Variants in CRIM1 observed in about 807,000 individuals in gnomAD.
The protein encoded by CRIM1 is cysteine rich transmembrane BMP regulator 1, also known as cysteine-rich motor neuron 1 protein.
In CRIM1, 32 loss-of-function variants were observed where a neutral mutation model predicts 116.4. The observed-to-expected ratio is 0.27, with a 90% CI of 0.21 to 0.37. The LOEUF is 0.37. Ranked by LOEUF, CRIM1 falls within the 10% of genes least tolerant of loss-of-function variation. CRIM1 has a pLI of 1.00. For synonymous variants in CRIM1, 590 were observed against 509.2 expected, an observed-to-expected ratio of 1.16 and a Z score of -2.13; for missense variants, 1,331 against 1,354.8, an observed-to-expected ratio of 0.98 and a Z score of 0.28.
rs561468285 is a variant in CRIM1, at chr2:36,481,410, A to G, written c.1372+1716A>G. ...ATCTGCATAGAGTTGTAATCTAATCATCTACTGTTTGAGAAAAGAGTTACA... is the reference window on the plus strand; with the variant it reads ...ATCTGCATAGAGTTGTAATCTAATCGTCTACTGTTTGAGAAAAGAGTTACA... On this transcript the variant is annotated intron_variant, in intron 7 of 16. Transcript: ENST00000280527. Among the ~76,000 whole-genome samples the G allele has an allele frequency of 7.9e-5, 12 of 152,352 alleles. No individual in the cohort carries two copies. In the South Asian group the frequency reaches 2.5e-3, roughly 32 times the overall value.
chr2:36,445,969 T>C (rs1278719397), intron 4 of CRIM1, among the ~76,000 whole-genome samples: 1 of 152,204 alleles, frequency 6.6e-6, no homozygotes, highest in Non-Finnish European at 1.5e-5. Context: ...AGCATACTTA[T>C]AAGAGCATTG....
intron 5 of CRIM1, among the ~76,000 whole-genome samples, chr2:36,474,125 T>C (rs1268368886): frequency 1.3e-5 from 2 of 152,222 alleles, no homozygotes; most frequent in African/African-American, 4.8e-5. Flanking sequence ...ATGTGTTTAT[T>C]GTCCATTTCT....
At chr2:36,538,779 A>G (rs1572960117) in intron 14 of CRIM1, among the ~76,000 whole-genome samples, 1 of 152,212 alleles carries the variant, frequency 6.6e-6, no homozygotes, top group South Asian at 2.1e-4. Context: ...GTGTATATGG[A>G]AAAAGCAAGT....
At chr2:36,541,491 C>T (rs189502027) in intron 14 of CRIM1, among the ~76,000 whole-genome samples, 13 of 152,232 alleles carry the variant, frequency 8.5e-5, no homozygotes, top group Admixed American at 7.9e-4. Flanking sequence ...AGCTGGTTAG[C>T]AGAGGATGAG....
rs1680295196 is a variant in CRIM1, at chr2:36,492,463, G to C, written c.1373-6756G>C. ...CCCACTTCCAGATTAGGGAATTTTT[G>C]TATCTTCAATTTTTTTTTTTTCTTA... On this transcript the variant is annotated intron_variant, in intron 7 of 16. Transcript: ENST00000280527. 2.0e-5 allele frequency among the ~76,000 whole-genome samples: 3 copies of C among 151,700 alleles called. No individual in the cohort carries two copies. In the South Asian group the frequency reaches 6.2e-4, roughly 32 times the overall value.
intron 7 of CRIM1, among the ~76,000 whole-genome samples, chr2:36,481,287 A>G (rs1679397140): frequency 6.6e-6 from 1 of 152,140 alleles, no homozygotes; most frequent in Admixed American, 6.5e-5. Context: ...ACAGGTAGAT[A>G]TATATATAAC....
intron 5 of CRIM1, among the ~76,000 whole-genome samples, chr2:36,476,533 CATTT>C (rs1678989478): frequency 6.6e-6 from 1 of 152,142 alleles, no homozygotes; most frequent in Admixed American, 6.5e-5. Flanking sequence ...CAGGATCATT[CATTT>C]GAGGTAGACA....
chr2:36,513,312 A>G, intron 10 of CRIM1: 1 of 500,716 alleles, frequency 2.0e-6, no homozygotes, highest in South Asian at 2.6e-5. Flanking sequence ...TGGAAGGAAT[A>G]AAAAATCAGC....
At chr2:36,379,965 G>A (rs1189401966) in intron 1 of CRIM1, among the ~76,000 whole-genome samples, 1 of 151,036 alleles carries the variant, frequency 6.6e-6, no homozygotes. Flanking sequence ...AAGTACAGTT[G>A]ATAGACTTTG....
intron 2 of CRIM1, among the ~76,000 whole-genome samples, chr2:36,406,863 A>G (rs1672846434): frequency 6.6e-6 from 1 of 152,190 alleles, no homozygotes; most frequent in African/African-American, 2.4e-5. Context: ...GTGTTGCTTT[A>G]GCTCATATAA....
rs551043912 is a variant in CRIM1, at chr2:36,541,741, G to A, written c.2624-2635G>A. Among the ~76,000 whole-genome samples, 4 of 152,256 alleles carry A rather than the reference G, an allele frequency of 2.6e-5. 1 individual carries two copies. The highest frequency in any genetic ancestry group is 1.3e-4 in the Admixed American group (2 of 15,296). On this transcript the variant is annotated intron_variant, in intron 14 of 16. Transcript: ENST00000280527. ...TTGTGACCGTGTGCCCGTGATCTTCGTGGTAGGGCTGGATGTAGCTTTGTG... is the reference window on the plus strand; with the variant it reads ...TTGTGACCGTGTGCCCGTGATCTTCATGGTAGGGCTGGATGTAGCTTTGTG...
At chr2:36,406,612 A>G (rs546387465) in intron 2 of CRIM1, among the ~76,000 whole-genome samples, 6 of 127,246 alleles carry the variant, frequency 4.7e-5, no homozygotes, top group African/African-American at 1.8e-4. Flanking sequence ...CTCTGCTAAT[A>G]TTTGACCCCT....
At chr2:36,513,475 T>A in intron 10 of CRIM1, 81 bp from the exon 11 acceptor site, 1 of 1,095,518 alleles carries the variant, frequency 9.1e-7, no homozygotes, top group Non-Finnish European at 1.4e-6. Flanking sequence ...GTGGCTGGGG[T>A]CCAGTCCATG....
chr2:36,522,785 G>C (rs1665487885), intron 13 of CRIM1, among the ~76,000 whole-genome samples: 1 of 133,394 alleles, frequency 7.5e-6, no homozygotes, highest in East Asian at 2.3e-4. Context: ...CTGGGTGACA[G>C]AGCAAGACTC....
At chr2:36,475,132 A>C (rs1373795918) in intron 5 of CRIM1, among the ~76,000 whole-genome samples, 1 of 152,238 alleles carries the variant, frequency 6.6e-6, no homozygotes, top group Non-Finnish European at 1.5e-5. Flanking sequence ...ATTTCTACAA[A>C]AGAGCCAGCT....
At chr2:36,466,371 C>G (rs775454255) in intron 5 of CRIM1, among the ~76,000 whole-genome samples, 7 of 152,122 alleles carry the variant, frequency 4.6e-5, no homozygotes, top group Non-Finnish European at 1.0e-4. Context: ...TCTCCCCACT[C>G]TGGTCATTAT....
intron 4 of CRIM1, among the ~76,000 whole-genome samples, chr2:36,460,595 A>G (rs927424059): frequency 3.3e-5 from 5 of 152,250 alleles, no homozygotes; most frequent in African/African-American, 1.2e-4. Context: ...CTTCTGCTCA[A>G]GGTCATGCAA....
chr2:36,476,970 G>C lies in CRIM1; in HGVS notation c.1073G>C (p.Arg358Pro). 1 of 1,614,062 alleles carries C rather than the reference G, an allele frequency of 6.2e-7. No homozygotes were observed. Among genetic ancestry groups the C allele is most frequent in the Non-Finnish European group, 8.5e-7 (1 of 1,179,904 alleles). ...MFRMDNCRFC[R>P]CQGGVAICFT... is the part of the protein sequence containing the mutation. ...CGAATGGACAACTGTCGGTTCTGTC[G>C]ATGCCAAGGGGGCGTTGCCATCTGC... The change falls in exon 6 of 17, where the codon CGA becomes CCA. Residue 358 changes from arginine to proline, a missense_variant. This residue lies in a region of CRIM1 where 690 missense variants were observed against 676.0 expected (regional missense o/e 1.02). Transcript: ENST00000280527.
At chr2:36,539,646 G>C (rs1488420561) in intron 14 of CRIM1, among the ~76,000 whole-genome samples, 1 of 152,048 alleles carries the variant, frequency 6.6e-6, no homozygotes, top group African/African-American at 2.4e-5. Flanking sequence ...CAGTGACTTG[G>C]ACAGGGTGGT....
Sources: allele counts gnomAD v4.1 joint callset (sites outside exome capture counted in the v4.1 genomes callset), GRCh38; gene constraint gnomAD v4.1.1; regional missense constraint gnomAD v4.1.1; transcripts MANE v1.5; gene names NCBI Gene and HGNC (gene_info 2026-07-23, HGNC 2026-07-21).